Variants in ARID1A observed in about 807,000 individuals in gnomAD.
The protein encoded by ARID1A is AT-rich interaction domain 1A.
ARID1A carries 20 observed loss-of-function variants against 212.6 expected under a neutral mutation model. The ratio of observed to expected loss-of-function variants is 0.09; its 90% CI spans 0.07 to 0.14. The LOEUF (loss-of-function observed/expected upper bound fraction) is 0.14, where lower values mean the gene tolerates loss of function less well. Ranked by LOEUF, ARID1A falls within the 10% of genes least tolerant of loss-of-function variation. The pLI is 1.00. For synonymous variants in ARID1A, 1,376 were observed against 1,222.1 expected (o/e 1.13, Z -2.63); for missense variants, 2,587 against 3,059.0 (o/e 0.85, Z 3.64).
Position 26,766,428 on chromosome 1 carries a change from G to A in ARID1A, c.2879-29G>A, listed in dbSNP as rs568880836. ...GAGTCACATCACAGCTAAACTTACT[G>A]GACTTGAGAATTTTTTTCTCTTTTA... On this transcript the variant is annotated intron_variant, in intron 9 of 19. Coordinates refer to ENST00000324856, the MANE Select transcript of ARID1A (RefSeq NM_006015.6). 124 of 1,613,854 alleles carry A rather than the reference G, an allele frequency of 7.7e-5. 1 individual carries two copies. Among genetic ancestry groups the A allele is most frequent in the Middle Eastern group, 5.0e-4 (3 of 6,060 alleles).
chr1:26,740,552 G>T (rs1401658246), intron 4 of ARID1A, among the ~76,000 whole-genome samples: 2 of 152,166 alleles, frequency 1.3e-5, no homozygotes, highest in African/African-American at 4.8e-5. Context: ...TTGGGGGCTG[G>T]TCAGCTTCCA....
At chr1:26,714,426 G>A (rs1557582360) in intron 1 of ARID1A, among the ~76,000 whole-genome samples, 1 of 151,798 alleles carries the variant, frequency 6.6e-6, no homozygotes, top group African/African-American at 2.4e-5. Flanking sequence ...TTGTTTGTTT[G>A]TTTTTGAGAC....
At chr1:26,777,367 C>T (rs1038566655) in intron 19 of ARID1A, among the ~76,000 whole-genome samples, 1 of 151,420 alleles carries the variant, frequency 6.6e-6, no homozygotes, top group African/African-American at 2.4e-5. Flanking sequence ...ACTACAGGTG[C>T]GTGCAAACAT....
In ARID1A at chr1:26,772,784, G is replaced by C. The variant is rs1424897814; in HGVS notation, c.3540-28G>C. 5.6e-6 allele frequency: 9 copies of C among 1,608,886 alleles called. 2 individuals are homozygous for C. In the Admixed American group the frequency reaches 1.5e-4, roughly 27 times the overall value. On this transcript the variant is annotated intron_variant, in intron 13 of 19. Coordinates refer to ENST00000324856, the MANE Select transcript of ARID1A (RefSeq NM_006015.6). ...ATATTGGAGGAATTGGTTTATTTGTGGTTTACTTGGTTTTCCTCACTCTGG... is the reference window on the plus strand; with the variant it reads ...ATATTGGAGGAATTGGTTTATTTGTCGTTTACTTGGTTTTCCTCACTCTGG...
chr1:26,707,840 G>T (rs1047193212), intron 1 of ARID1A, among the ~76,000 whole-genome samples: 3 of 152,112 alleles, frequency 2.0e-5, no homozygotes, highest in Non-Finnish European at 4.4e-5. Flanking sequence ...AAAATAGCTG[G>T]TAAAAGGTAG....
rs1382634708 is a variant in ARID1A, at chr1:26,696,096, C to G, written c.-308C>G. ...CGGAGCCTCCACCGCCCCCCTCATTCCCAGGCAAGGGCTTGGGGGGAATGA... is the reference window on the plus strand; with the variant it reads ...CGGAGCCTCCACCGCCCCCCTCATTGCCAGGCAAGGGCTTGGGGGGAATGA... On this transcript the variant is annotated 5_prime_UTR_variant, in exon 1 of 20. Transcript: ENST00000324856. 1 of 458,480 alleles carries G rather than the reference C, an allele frequency of 2.2e-6. No individual in the cohort carries two copies. Among genetic ancestry groups the G allele is most frequent in the Admixed American group, 5.8e-5 (1 of 17,282 alleles). 28.4% of individuals were successfully genotyped at this position (458,480 alleles called of 1,614,324 possible).
At chr1:26,697,976 C>T (rs1483113298) in intron 1 of ARID1A, among the ~76,000 whole-genome samples, 1 of 152,142 alleles carries the variant, frequency 6.6e-6, no homozygotes, top group African/African-American at 2.4e-5. Flanking sequence ...TCCTCTGGGC[C>T]GCCCCCCATC....
At chr1:26,728,401 CCCTT>C (rs1245401966) in intron 1 of ARID1A, among the ~76,000 whole-genome samples, 15 of 152,268 alleles carry the variant, frequency 9.9e-5, no homozygotes, top group East Asian at 3.9e-4. Flanking sequence ...TTTGGATCTC[CCCTT>C]CCTTTATTTT....
chr1:26,709,107 G>A (rs1186461585), intron 1 of ARID1A, among the ~76,000 whole-genome samples: 1 of 152,068 alleles, frequency 6.6e-6, no homozygotes, highest in Non-Finnish European at 1.5e-5. Context: ...TTCTCTTAGG[G>A]CAGTATGACT....
intron 4 of ARID1A, among the ~76,000 whole-genome samples, chr1:26,749,101 C>T (rs977159233): frequency 2.0e-5 from 3 of 152,094 alleles, no homozygotes; most frequent in Non-Finnish European, 4.4e-5. Context: ...GGAGGCAGAG[C>T]TTGCAGTGAG....
Position 26,697,081 on chromosome 1 carries a change from C to A in ARID1A, c.678C>A (p.Ala226=). Residue 226 remains alanine (A), a synonymous_variant, in exon 1 of 20, where the codon GCC becomes GCA. Coordinates refer to ENST00000324856, the MANE Select transcript of ARID1A (RefSeq NM_006015.6). ...YPNRSAYPPP[A]PAYALSSPRG... is the part of the protein sequence containing the mutation. Reference sequence around the variant, plus strand: ...ACCGCAGCGCCTACCCCCCGCCCGCCCCGGCCTACGCGCTGAGCTCCCCGA... The same window carrying A: ...ACCGCAGCGCCTACCCCCCGCCCGCACCGGCCTACGCGCTGAGCTCCCCGA... 1 of 1,495,664 alleles carries A rather than the reference C, an allele frequency of 6.7e-7. No homozygotes were observed. The highest frequency in any genetic ancestry group is 1.3e-5 in the South Asian group (1 of 76,378). 92.6% of individuals were successfully genotyped at this position (1,495,664 alleles called of 1,614,324 possible).
At chr1:26,778,915 T>C in intron 19 of ARID1A, 108 bp from the exon 20 acceptor site, 1 of 1,106,854 alleles carries the variant, frequency 9.0e-7, no homozygotes, top group South Asian at 2.1e-5. Flanking sequence ...GGAGCAACTC[T>C]GCCTCTCCCA....
chr1:26,753,588 C>T (rs780248320), intron 4 of ARID1A, among the ~76,000 whole-genome samples: 3 of 152,208 alleles, frequency 2.0e-5, no homozygotes, highest in Non-Finnish European at 4.4e-5. Context: ...ACATTGGAAA[C>T]ACGTGAGGAA....
At chr1:26,697,687 A>C in intron 1 of ARID1A, 147 bp downstream of exon 1, 1 of 843,898 alleles carries the variant, frequency 1.2e-6, no homozygotes, top group Non-Finnish European at 1.6e-6. Context: ...TTCTCTCTTA[A>C]AATGGCTGCC....
chr1:26,739,691 A>G (rs1405424630), intron 4 of ARID1A, among the ~76,000 whole-genome samples: 1 of 152,202 alleles, frequency 6.6e-6, no homozygotes, highest in Non-Finnish European at 1.5e-5. Context: ...ATTCCTGGGT[A>G]ACGGAGCCCT....
intron 4 of ARID1A, among the ~76,000 whole-genome samples, chr1:26,741,716 T>C (rs549463804): frequency 1.3e-5 from 2 of 152,168 alleles, no homozygotes; most frequent in South Asian, 4.1e-4. Flanking sequence ...GTTATCGATA[T>C]CAGGAGGGAG....
Position 26,774,387 on chromosome 1 carries a change from A to G in ARID1A, c.4160A>G (p.Glu1387Gly), listed in dbSNP as rs2124117331. 6.3e-7 allele frequency: 1 copy of G among 1,584,906 alleles called. No individual in the cohort carries two copies. Among genetic ancestry groups the G allele is most frequent in the Non-Finnish European group, 8.6e-7 (1 of 1,162,382 alleles). Residue 1387 changes from glutamate (E) to glycine (G), a missense_variant, in exon 18 of 20, where the codon GAG becomes GGG. Physicochemically the swap from Glu to Gly is moderately conservative, Grantham distance 98 (BLOSUM62 -2). Transcript: ENST00000324856. The surrounding 1 kb of genome is among the most constrained non-coding windows in gnomAD (Gnocchi z 5.6). The stretch of plus-strand genomic sequence containing the variant: ...CCTCCTGCCAAGCGGCACGAAGGGG[A>G]GATGTACAGCGTGCCATACAGCACT... ...YGPPAKRHEGEMYSVPYSTGQ... is the reference protein window; with the variant it reads ...YGPPAKRHEGGMYSVPYSTGQ...
intron 18 of ARID1A, 71 bp downstream of exon 18, chr1:26,775,291 A>G (rs2081124751): frequency 6.6e-7 from 1 of 1,503,776 alleles, no homozygotes. Context: ...CCTCCACCTT[A>G]CTATTCTGGA....
intron 6 of ARID1A, 130 bp downstream of exon 6, chr1:26,761,603 C>A: frequency 2.3e-6 from 2 of 859,074 alleles, no homozygotes; most frequent in Non-Finnish European, 1.8e-6. Flanking sequence ...TTTTTATATT[C>A]TTTAAAAGTT....
Sources: allele counts gnomAD v4.1 joint callset (sites outside exome capture counted in the v4.1 genomes callset), GRCh38; gene constraint gnomAD v4.1.1; non-coding constraint Gnocchi (gnomAD v3.1); transcripts MANE v1.5; gene names NCBI Gene and HGNC (gene_info 2026-07-23, HGNC 2026-07-21).